NR3C2: variants seen among roughly 807,000 people sequenced by gnomAD.
NR3C2 encodes nuclear receptor subfamily 3 group C member 2.
A neutral mutation model predicts 86.4 loss-of-function variants in NR3C2; 15 were observed. The observed-to-expected ratio is 0.17, with a 90% CI of 0.12 to 0.27. The LOEUF (loss-of-function observed/expected upper bound fraction) is 0.27, where lower values mean the gene tolerates loss of function less well. NR3C2 is among the 10% of genes least tolerant of loss of function. The pLI, the probability that NR3C2 is intolerant of heterozygous loss-of-function variation, is 1.00. For missense variants in NR3C2, 960 were observed against 1,195.6 expected, an observed-to-expected ratio of 0.80 and a Z score of 2.91; for synonymous variants, 458 against 450.5, an observed-to-expected ratio of 1.02 and a Z score of -0.21.
chr4:148,434,093 G>C (rs1265039841), intron 2 of NR3C2, among the ~76,000 whole-genome samples: 1 of 152,114 alleles, frequency 6.6e-6, no homozygotes, highest in African/African-American at 2.4e-5. Flanking sequence ...TAATGGGATG[G>C]ACATATTCCC....
At chr4:148,170,862 A>G (rs1254597615) in intron 4 of NR3C2, among the ~76,000 whole-genome samples, 2 of 152,212 alleles carry the variant, frequency 1.3e-5, no homozygotes, top group African/African-American at 4.8e-5. Flanking sequence ...AGAAATATCC[A>G]AAGTTTAGTG....
intron 3 of NR3C2, among the ~76,000 whole-genome samples, chr4:148,220,700 G>C (rs564206693): frequency 5.3e-5 from 8 of 152,180 alleles, no homozygotes; most frequent in Non-Finnish European, 8.8e-5. Context: ...GGAAACTGAG[G>C]GGGGAGGATG....
At chr4:148,377,721 T>C (rs149994090) in intron 2 of NR3C2, among the ~76,000 whole-genome samples, 1 of 152,110 alleles carries the variant, frequency 6.6e-6, no homozygotes, top group Non-Finnish European at 1.5e-5. Context: ...GAATACTAAG[T>C]AGAGGAATCA....
At chr4:148,313,012 T>C (rs1742978916) in intron 2 of NR3C2, among the ~76,000 whole-genome samples, 1 of 152,148 alleles carries the variant, frequency 6.6e-6, no homozygotes, top group African/African-American at 2.4e-5. Context: ...TTAACACTCT[T>C]CAAAGGCAAG....
rs566926429 is a variant in NR3C2 at position 148,331,912 on chromosome 4, A to T, written c.1758-71795T>A. Among the ~76,000 whole-genome samples, 219 of 152,326 alleles carry T rather than the reference A, an allele frequency of 1.4e-3. 1 individual carries two copies. The highest frequency in any genetic ancestry group is 7.2e-3 in the Admixed American group (110 of 15,308). On this transcript the variant is annotated intron_variant, in intron 2 of 8. Transcript: ENST00000358102. ...CCATCTCACAAGGTTGAAGAGGTGC[A>T]GTAAGAGTATCTGCTTTATACATTA...
chr4:148,215,914 G>A (rs1737510598), intron 3 of NR3C2, among the ~76,000 whole-genome samples: 1 of 151,606 alleles, frequency 6.6e-6, no homozygotes, highest in Non-Finnish European at 1.5e-5. Context: ...TGAGTAGCTG[G>A]GACTATAGGC....
chr4:148,387,495 A>G (rs1747324463), intron 2 of NR3C2, among the ~76,000 whole-genome samples: 2 of 152,224 alleles, frequency 1.3e-5, no homozygotes, highest in African/African-American at 4.8e-5. Context: ...TATCTCCAAG[A>G]ACAACAAAAA....
At chr4:148,344,002 AAATT>A (rs1270866972) in intron 2 of NR3C2, among the ~76,000 whole-genome samples, 2 of 152,172 alleles carry the variant, frequency 1.3e-5, no homozygotes, top group South Asian at 2.1e-4. Context: ...ACATAGCTTT[AAATT>A]AATTGCTAAA....
chr4:148,344,115 AG>A (rs1744880388), intron 2 of NR3C2, among the ~76,000 whole-genome samples: 1 of 152,212 alleles, frequency 6.6e-6, no homozygotes, highest in Non-Finnish European at 1.5e-5. Flanking sequence ...TCGTCTTTTT[AG>A]GACTGACTTA....
chr4:148,161,988 C>T (rs1177085739), intron 4 of NR3C2, among the ~76,000 whole-genome samples: 1 of 152,104 alleles, frequency 6.6e-6, no homozygotes, highest in East Asian at 1.9e-4. Context: ...TGGTAATTTC[C>T]ACCAAGCCCT....
chr4:148,124,050 C>A (rs560617396), intron 6 of NR3C2, among the ~76,000 whole-genome samples: 68 of 152,264 alleles, frequency 4.5e-4, no homozygotes, highest in Non-Finnish European at 7.9e-4. Flanking sequence ...ACCAGCCTGG[C>A]CAACATGGTG....
At chr4:148,230,202 TTTTG>T (rs1738388179) in intron 3 of NR3C2, among the ~76,000 whole-genome samples, 1 of 152,166 alleles carries the variant, frequency 6.6e-6, no homozygotes, top group African/African-American at 2.4e-5. Flanking sequence ...TTTGTTTGTT[TTTTG>T]TTTTAGAGAC....
At chr4:148,355,788 T>C (rs72656851) in intron 2 of NR3C2, among the ~76,000 whole-genome samples, 132 of 152,116 alleles carry the variant, frequency 8.7e-4, no homozygotes, top group African/African-American at 3.1e-3. Context: ...ATGTTAACAA[T>C]AACACTTCGC....
intron 2 of NR3C2, among the ~76,000 whole-genome samples, chr4:148,374,889 C>T (rs1348036598): frequency 2.0e-5 from 3 of 152,170 alleles, no homozygotes; most frequent in African/African-American, 4.8e-5. Context: ...ATAAACATAA[C>T]ACCCTCTACT....
intron 8 of NR3C2, among the ~76,000 whole-genome samples, chr4:148,082,538 C>T (rs1335149652): frequency 2.0e-5 from 3 of 152,136 alleles, no homozygotes; most frequent in Admixed American, 2.0e-4. Context: ...GGCCCAGATA[C>T]TACACTTTTC....
chr4:148,302,709 G>A (rs1009089363), intron 2 of NR3C2, among the ~76,000 whole-genome samples: 3 of 152,064 alleles, frequency 2.0e-5, no homozygotes, highest in African/African-American at 7.2e-5. Context: ...AACCTGTGGT[G>A]AGTAAAGAAT....
chr4:148,119,083 T>C (rs1465820377), intron 7 of NR3C2, among the ~76,000 whole-genome samples: 2 of 152,188 alleles, frequency 1.3e-5, no homozygotes, highest in Non-Finnish European at 2.9e-5. Context: ...GCCTTCAGCA[T>C]TGCCCTCTTC....
chr4:148,388,548 A>T (rs1040528748), intron 2 of NR3C2, among the ~76,000 whole-genome samples: 2 of 152,214 alleles, frequency 1.3e-5, no homozygotes, highest in African/African-American at 4.8e-5. Flanking sequence ...TTTACATCAC[A>T]ACACATCATC....
chr4:148,343,080 A>T (rs1744826565), intron 2 of NR3C2, among the ~76,000 whole-genome samples: 1 of 152,216 alleles, frequency 6.6e-6, no homozygotes, highest in Non-Finnish European at 1.5e-5. Context: ...CACAATAATT[A>T]TTAAATCAAA....
Sources: allele counts gnomAD v4.1 joint callset (sites outside exome capture counted in the v4.1 genomes callset), GRCh38; gene constraint gnomAD v4.1.1; transcripts MANE v1.5; gene names NCBI Gene and HGNC (gene_info 2026-07-23, HGNC 2026-07-21).